ENTREP2: variants seen among roughly 807,000 people sequenced by gnomAD.
ENTREP2 encodes endosomal transmembrane epsin interactor 2.
chr15:29,120,832 C>T, the ENTREP2 span: 1 of 152,280 alleles, frequency 6.6e-6, no homozygotes, highest in African/African-American at 2.4e-5. Flanking sequence ...CAGCCCGGGG[C>T]CTGGGCTCTT....
At chr15:29,136,978 G>A in the ENTREP2 span, 18 of 1,355,256 alleles carry the variant, frequency 1.3e-5, no homozygotes, top group African/African-American at 3.1e-5. Context: ...CCCACCACCC[G>A]GACACTGCTG....
At chr15:29,574,641 C>T in the ENTREP2 span, among the ~76,000 whole-genome samples, 16 of 152,166 alleles carry the variant, frequency 1.1e-4, no homozygotes. Flanking sequence ...GAGCTTCTTG[C>T]TGAAAGACAG....
chr15:29,232,404 T>C, the ENTREP2 span, among the ~76,000 whole-genome samples: 1 of 152,074 alleles, frequency 6.6e-6, no homozygotes, highest in Non-Finnish European at 1.5e-5. Context: ...GCTTTAGTGC[T>C]AATTTAAAAA....
chr15:29,164,846 G>A, the ENTREP2 span, among the ~76,000 whole-genome samples: 1 of 152,092 alleles, frequency 6.6e-6, no homozygotes, highest in Non-Finnish European at 1.5e-5. Context: ...GATATATACA[G>A]AACATTTCAT....
At chr15:29,165,158 G>A in the ENTREP2 span, among the ~76,000 whole-genome samples, 40 of 152,012 alleles carry the variant, frequency 2.6e-4, no homozygotes, top group African/African-American at 9.6e-4. Context: ...AAAACCTCTG[G>A]GATATAAGCA....
At chr15:29,635,245 C>A in the ENTREP2 span, among the ~76,000 whole-genome samples, 1 of 152,304 alleles carries the variant, frequency 6.6e-6, no homozygotes, top group South Asian at 2.1e-4. Flanking sequence ...TCCTAACCCT[C>A]TAATCCTGCC....
chr15:29,268,976 C>A, the ENTREP2 span: 1 of 1,614,144 alleles, frequency 6.2e-7, no homozygotes, highest in Non-Finnish European at 8.5e-7. Flanking sequence ...TCGTAGTCGA[C>A]GGGGTCGGTG....
chr15:29,640,281 G>T, the ENTREP2 span, among the ~76,000 whole-genome samples: 2 of 152,084 alleles, frequency 1.3e-5, no homozygotes, highest in Non-Finnish European at 2.9e-5. Flanking sequence ...CAAATTCCTA[G>T]AAAGACACAA....
chr15:29,235,663 G>A, the ENTREP2 span, among the ~76,000 whole-genome samples: 2 of 152,172 alleles, frequency 1.3e-5, no homozygotes, highest in Admixed American at 6.5e-5. Flanking sequence ...TCCTACCTCA[G>A]GAAACTAGAT....
At chr15:29,582,952 A>G in the ENTREP2 span, among the ~76,000 whole-genome samples, 1 of 152,134 alleles carries the variant, frequency 6.6e-6, no homozygotes, top group African/African-American at 2.4e-5. Context: ...CCCAGCCCTG[A>G]ATTTTTAAAA....
the ENTREP2 span, chr15:29,267,717 A>G: frequency 1.3e-5 from 2 of 152,234 alleles, no homozygotes; most frequent in East Asian, 3.8e-4. Context: ...TTTGGAAAAA[A>G]AGATAAAGAA....
At chr15:29,358,335 A>G in the ENTREP2 span, among the ~76,000 whole-genome samples, 1 of 152,236 alleles carries the variant, frequency 6.6e-6, no homozygotes. Context: ...TAATCAAAGA[A>G]CATAAAGTGC....
the ENTREP2 span, among the ~76,000 whole-genome samples, chr15:29,166,507 A>T: frequency 6.6e-6 from 1 of 152,222 alleles, no homozygotes; most frequent in Non-Finnish European, 1.5e-5. Context: ...AGAAGTCAGT[A>T]GCTCTTCTAT....
the ENTREP2 span, among the ~76,000 whole-genome samples, chr15:29,292,467 G>C: frequency 6.6e-6 from 1 of 151,812 alleles, no homozygotes; most frequent in Non-Finnish European, 1.5e-5. Flanking sequence ...TGCAACCTCT[G>C]CCTCCTGGGT....
chr15:29,278,782 C>T, the ENTREP2 span, among the ~76,000 whole-genome samples: 1 of 152,196 alleles, frequency 6.6e-6, no homozygotes, highest in Non-Finnish European at 1.5e-5. Context: ...TTTCTGGAGC[C>T]TCAATTCTAA....
the ENTREP2 span, among the ~76,000 whole-genome samples, chr15:29,369,513 A>C: frequency 3.2e-3 from 490 of 152,338 alleles, 4 homozygotes; most frequent in African/African-American, 0.012. Flanking sequence ...ATTACCAGAT[A>C]AGCCAATGCT....
chr15:29,407,425 C>T, the ENTREP2 span, among the ~76,000 whole-genome samples: 205 of 152,274 alleles, frequency 1.3e-3, no homozygotes, highest in African/African-American at 4.8e-3. Context: ...GCCCTGAGGT[C>T]TCCCTCACCA....
the ENTREP2 span, among the ~76,000 whole-genome samples, chr15:29,507,573 C>T: frequency 6.6e-6 from 1 of 152,164 alleles, no homozygotes; most frequent in African/African-American, 2.4e-5. Flanking sequence ...ACAGTGCAAT[C>T]CAATTAGAAC....
chr15:29,600,419 C>A, the ENTREP2 span, among the ~76,000 whole-genome samples: 3 of 149,948 alleles, frequency 2.0e-5, no homozygotes, highest in Non-Finnish European at 4.4e-5. Flanking sequence ...AACTCCAAAG[C>A]CCATCCCAGT....
Sources: allele counts gnomAD v4.1 joint callset (sites outside exome capture counted in the v4.1 genomes callset), GRCh38; gene constraint gnomAD v4.1.1; transcripts MANE v1.5; gene names NCBI Gene and HGNC (gene_info 2026-07-23, HGNC 2026-07-21).